The following REXO5 variants were observed in gnomAD, a reference collection of about 807,000 sequenced individuals.
The protein encoded by REXO5 is RNA exonuclease 5, also known as exonuclease NEF-sp.
Under a neutral mutation model 88.5 loss-of-function variants are expected in REXO5, and 48 were observed. The ratio of observed to expected loss-of-function variants is 0.54; its 90% CI spans 0.43 to 0.69. The LOEUF is 0.69. Ranked by LOEUF, REXO5 falls within the 30% of genes least tolerant of loss-of-function variation. The pLI is 0.00. For synonymous variants in REXO5, 311 were observed against 336.5 expected (o/e 0.92, Z 0.83); for missense variants, 749 against 912.2 (o/e 0.82, Z 2.30).
At chr16:20,839,605 C>A in intron 13 of REXO5, 150 bp from the exon 14 acceptor site, 1 of 487,636 alleles carries the variant, frequency 2.1e-6, no homozygotes, top group South Asian at 5.8e-5. Context: ...TGTGGTTTCA[C>A]CATTTTCCTG....
intron 5 of REXO5, among the ~76,000 whole-genome samples, chr16:20,819,869 T>C (rs956889257): frequency 1.3e-5 from 2 of 152,160 alleles, no homozygotes; most frequent in Non-Finnish European, 2.9e-5. Context: ...GCGATCCTCC[T>C]GCCTCAGCCT....
chr16:20,814,267 C>G (rs746094104), intron 3 of REXO5, among the ~76,000 whole-genome samples: 1 of 152,034 alleles, frequency 6.6e-6, no homozygotes, highest in Non-Finnish European at 1.5e-5. Flanking sequence ...GATGGAGCCT[C>G]GCTCTGTCAC....
At chr16:20,818,500 G>A (rs568301177) in intron 5 of REXO5, among the ~76,000 whole-genome samples, 1 of 151,958 alleles carries the variant, frequency 6.6e-6, no homozygotes, top group South Asian at 2.1e-4. Context: ...ACAGAGTCTC[G>A]CTCTGTCGCT....
chr16:20,811,506 T>A (rs1162896067), intron 2 of REXO5, among the ~76,000 whole-genome samples: 3 of 152,224 alleles, frequency 2.0e-5, no homozygotes, highest in African/African-American at 4.8e-5. Context: ...TGATTTTTTT[T>A]AACTGATATG....
At chr16:20,840,006 A>C (rs2081501453) in intron 14 of REXO5, 147 bp downstream of exon 14, 1 of 621,340 alleles carries the variant, frequency 1.6e-6, no homozygotes, top group South Asian at 2.4e-5. Flanking sequence ...AAATATTTTT[A>C]TGAAAATGGG....
intron 3 of REXO5, 43 bp downstream of exon 3, chr16:20,813,345 T>A: frequency 6.1e-3 from 780 of 126,886 alleles, no homozygotes; most frequent in Non-Finnish European, 0.011. Context: ...CAGCGGTTTC[T>A]TTTTTTTTTT....
At chr16:20,806,750 G>T in intron 1 of REXO5, 45 bp downstream of exon 1, 4 of 1,012,036 alleles carry the variant, frequency 4.0e-6, no homozygotes, top group Non-Finnish European at 4.2e-6. Context: ...GAGCGGCGCG[G>T]GTGTCCAGTC....
At chr16:20,844,419 T>A (rs2081576030) in intron 16 of REXO5, among the ~76,000 whole-genome samples, 1 of 152,228 alleles carries the variant, frequency 6.6e-6, no homozygotes, top group Admixed American at 6.5e-5. Context: ...GAGAATATGT[T>A]TACATGAAAA....
chr16:20,818,950 A>G (rs1177287426), intron 5 of REXO5, among the ~76,000 whole-genome samples: 1 of 151,946 alleles, frequency 6.6e-6, no homozygotes, highest in African/African-American at 2.4e-5. Flanking sequence ...CCCTCTGACA[A>G]CCCCAAATGT....
chr16:20,807,525 A>G (rs535284902), intron 2 of REXO5, among the ~76,000 whole-genome samples: 13 of 150,108 alleles, frequency 8.7e-5, no homozygotes, highest in Non-Finnish European at 1.3e-4. Context: ...AGAGGTTGCA[A>G]TGAGCCAAGA....
intron 13 of REXO5, among the ~76,000 whole-genome samples, chr16:20,838,818 C>G (rs770046894): frequency 2.0e-5 from 3 of 152,120 alleles, no homozygotes; most frequent in Non-Finnish European, 4.4e-5. Context: ...ACACATGGTC[C>G]CCTCTTTTTT....
Position 20,813,285 on chromosome 16 carries a change from C to G in REXO5, c.234C>G (p.Ser78=). The change falls in exon 3 of 20, where the codon TCC becomes TCG. Residue 78 remains serine (S), a synonymous_variant. Coordinates refer to ENST00000261377, the MANE Select transcript of REXO5 (RefSeq NM_030941.3). Reference sequence around the variant, plus strand: ...TGAAGTATGCAGTTCTGGGCAAATCCAATGTTCCAAAACCCAGGTATGAGA... The same window carrying G: ...TGAAGTATGCAGTTCTGGGCAAATCGAATGTTCCAAAACCCAGGTATGAGA... ...ELLKYAVLGK[S]NVPKPSWCQL... is the part of the protein sequence containing the mutation. 6.2e-7 allele frequency: 1 copy of G among 1,610,438 alleles called. No individual in the cohort carries two copies. Among genetic ancestry groups the G allele is most frequent in the Non-Finnish European group, 8.5e-7 (1 of 1,177,220 alleles).
At chr16:20,835,087 T>C (rs1483668672) in intron 13 of REXO5, among the ~76,000 whole-genome samples, 6 of 152,226 alleles carry the variant, frequency 3.9e-5, no homozygotes, top group Admixed American at 3.9e-4. Flanking sequence ...TGAGCTTTGG[T>C]CTGAGATGTG....
At chr16:20,844,977 G>T in intron 17 of REXO5, 77 bp from the exon 18 acceptor site, 1 of 1,568,192 alleles carries the variant, frequency 6.4e-7, no homozygotes, top group Non-Finnish European at 8.7e-7. Flanking sequence ...CTTCTCCTTT[G>T]ACCCTGGCCA....
intron 6 of REXO5, among the ~76,000 whole-genome samples, chr16:20,822,195 TTTC>T (rs1376716593): frequency 6.6e-6 from 1 of 152,204 alleles, no homozygotes; most frequent in African/African-American, 2.4e-5. Flanking sequence ...TTTTCTTTCA[TTTC>T]TTCTTAATAT....
intron 15 of REXO5, among the ~76,000 whole-genome samples, chr16:20,843,379 T>G (rs2081559741): frequency 6.6e-6 from 1 of 152,254 alleles, no homozygotes; most frequent in African/African-American, 2.4e-5. Context: ...TTAATTTTTA[T>G]GAAGTCTAAT....
chr16:20,825,438 C>G (rs529034343), intron 7 of REXO5: 104 of 156,204 alleles, frequency 6.7e-4, no homozygotes, highest in African/African-American at 2.5e-3. Context: ...AATAATAAAG[C>G]CTACCTCAAA....
At chr16:20,813,509 C>A (rs992403472) in intron 3 of REXO5, among the ~76,000 whole-genome samples, 1 of 152,076 alleles carries the variant, frequency 6.6e-6, no homozygotes, top group East Asian at 1.9e-4. Flanking sequence ...TCTACATTTT[C>A]TTCTTCCAAA....
intron 19 of REXO5, among the ~76,000 whole-genome samples, chr16:20,849,128 CCT>C (rs1023128741): frequency 2.0e-5 from 3 of 152,162 alleles, no homozygotes; most frequent in African/African-American, 7.2e-5. Context: ...TCACCAAATC[CCT>C]GTGAGATAGT....
Sources: allele counts gnomAD v4.1 joint callset (sites outside exome capture counted in the v4.1 genomes callset), GRCh38; gene constraint gnomAD v4.1.1; transcripts MANE v1.5; gene names NCBI Gene and HGNC (gene_info 2026-07-23, HGNC 2026-07-21).